DLGAP2: variants seen among roughly 807,000 people sequenced by gnomAD.
The protein encoded by DLGAP2 is DLG associated protein 2.
DLGAP2 carries 26 observed loss-of-function variants against 100.3 expected under a neutral mutation model. The observed-to-expected ratio is 0.26, with a 90% confidence interval of 0.19 to 0.36. The LOEUF is 0.36. DLGAP2 is among the 10% of genes least tolerant of loss of function. The pLI is 1.00. For synonymous variants in DLGAP2, 886 were observed against 630.1 expected, an observed-to-expected ratio of 1.41 and a Z score of -6.08; for missense variants, 1,858 against 1,453.2, an observed-to-expected ratio of 1.28 and a Z score of -4.53.
At chr8:1,423,411 C>T (rs1797154644) in intron 3 of DLGAP2, among the ~76,000 whole-genome samples, 1 of 152,202 alleles carries the variant, frequency 6.6e-6, no homozygotes, top group Non-Finnish European at 1.5e-5. Flanking sequence ...GCATTTCCCA[C>T]CACATCCCAT....
At chr8:1,530,011 C>G (rs1800936011) in intron 4 of DLGAP2, among the ~76,000 whole-genome samples, 1 of 152,202 alleles carries the variant, frequency 6.6e-6, no homozygotes, top group African/African-American at 2.4e-5. Flanking sequence ...GGTGAGATCA[C>G]AGGACCACAG....
chr8:1,254,791 T>A (rs1220915745), intron 2 of DLGAP2, among the ~76,000 whole-genome samples: 1 of 151,156 alleles, frequency 6.6e-6, no homozygotes, highest in Non-Finnish European at 1.5e-5. Context: ...TTAGCTTCCC[T>A]GGCCCACGCA....
intron 4 of DLGAP2, among the ~76,000 whole-genome samples, chr8:1,504,027 A>G (rs993514717): frequency 6.6e-6 from 1 of 152,176 alleles, no homozygotes; most frequent in Admixed American, 6.5e-5. Flanking sequence ...AGGTGGACGC[A>G]TTGGTTCCAG....
intron 2 of DLGAP2, among the ~76,000 whole-genome samples, chr8:1,221,082 G>T (rs1212556759): frequency 6.6e-6 from 1 of 152,120 alleles, no homozygotes; most frequent in Non-Finnish European, 1.5e-5. Context: ...TTAACTGGGG[G>T]TGTTTAGCCT....
intron 2 of DLGAP2, among the ~76,000 whole-genome samples, chr8:1,242,871 G>C (rs1321143116): frequency 2.0e-5 from 3 of 152,106 alleles, no homozygotes; most frequent in South Asian, 2.1e-4. Flanking sequence ...CGGATGTGTG[G>C]ATGGTCAGAC....
intron 2 of DLGAP2, among the ~76,000 whole-genome samples, chr8:957,955 TG>T (rs745357395): frequency 8.5e-5 from 13 of 152,212 alleles, no homozygotes; most frequent in Non-Finnish European, 1.6e-4. Context: ...AATACGTTCC[TG>T]GTGCTGTGTG....
chr8:842,123 A>C (rs1796994460), intron 1 of DLGAP2, among the ~76,000 whole-genome samples: 1 of 152,170 alleles, frequency 6.6e-6, no homozygotes, highest in African/African-American at 2.4e-5. Flanking sequence ...CCCTTCTGGT[A>C]ATCACTTAGG....
At chr8:1,267,098 G>A (rs1799468557) in intron 3 of DLGAP2, among the ~76,000 whole-genome samples, 1 of 151,886 alleles carries the variant, frequency 6.6e-6, no homozygotes, top group Admixed American at 6.6e-5. Flanking sequence ...CAGGCGTGGG[G>A]GTGGGTGCCT....
rs1189074241 is a variant in DLGAP2, at chr8:1,668,579, A to G, written c.2061A>G (p.Pro687=). The G allele has an allele frequency of 1.9e-6, 3 of 1,596,212 alleles. No individual in the cohort carries two copies. Among genetic ancestry groups the G allele is most frequent in the Non-Finnish European group, 2.6e-6 (3 of 1,172,382 alleles). Residue 687 remains proline (P), a synonymous_variant, in exon 9 of 15, where the codon CCA becomes CCG. Coordinates refer to ENST00000637795, the MANE Select transcript of DLGAP2 (RefSeq NM_001346810.2). ...LETAAAQRHL[P]ESQSSSVRTS... is the part of the protein sequence containing the mutation. Reference sequence around the variant, plus strand: ...CGGCCGCTGCCCAGCGCCACCTGCCAGAGAGCCAGAGCAGCTCTGTGCGGA... The same window carrying G: ...CGGCCGCTGCCCAGCGCCACCTGCCGGAGAGCCAGAGCAGCTCTGTGCGGA...
chr8:1,419,656 C>T (rs4875850), intron 3 of DLGAP2, among the ~76,000 whole-genome samples: 82,246 of 152,040 alleles, frequency 0.54, 22,947 homozygotes, highest in East Asian at 0.88. Flanking sequence ...ATCAAAACCA[C>T]ACTGAGATAC....
At chr8:1,618,765 G>A (rs1471689937) in intron 6 of DLGAP2, among the ~76,000 whole-genome samples, 3 of 151,928 alleles carry the variant, frequency 2.0e-5, no homozygotes, top group East Asian at 1.9e-4. Context: ...GGGGATCTCC[G>A]TGCACCTTCA....
chr8:830,571 C>T (rs902506298), intron 1 of DLGAP2, among the ~76,000 whole-genome samples: 3 of 152,114 alleles, frequency 2.0e-5, no homozygotes, highest in Non-Finnish European at 4.4e-5. Flanking sequence ...GCAGATCATA[C>T]GTAATTTGCG....
intron 2 of DLGAP2, among the ~76,000 whole-genome samples, chr8:1,244,188 T>G (rs1798858836): frequency 6.6e-6 from 1 of 152,204 alleles, no homozygotes; most frequent in South Asian, 2.1e-4. Flanking sequence ...TGCGATACGG[T>G]TAGAGTGCAT....
intron 2 of DLGAP2, among the ~76,000 whole-genome samples, chr8:945,701 A>G (rs931237865): frequency 2.0e-5 from 3 of 152,178 alleles, no homozygotes; most frequent in African/African-American, 2.4e-5. Context: ...CTTTAGCAGC[A>G]TCTTTATTGG....
intron 2 of DLGAP2, among the ~76,000 whole-genome samples, chr8:1,218,382 A>G (rs1798252882): frequency 6.6e-6 from 1 of 152,144 alleles, no homozygotes. Context: ...CAACTTTGTC[A>G]AAGATCAGTT....
At chr8:896,522 A>T (rs149498953) in intron 1 of DLGAP2, among the ~76,000 whole-genome samples, 1 of 152,218 alleles carries the variant, frequency 6.6e-6, no homozygotes, top group South Asian at 2.1e-4. Flanking sequence ...TGTCCCCCCA[A>T]ATTCCTATGT....
At chr8:1,229,433 C>T (rs997200799) in intron 2 of DLGAP2, among the ~76,000 whole-genome samples, 10 of 152,032 alleles carry the variant, frequency 6.6e-5, no homozygotes, top group African/African-American at 9.7e-5. Flanking sequence ...GTTTGTATTT[C>T]TTGCTGATTC....
intron 3 of DLGAP2, among the ~76,000 whole-genome samples, chr8:1,278,139 T>C (rs1400727551): frequency 2.0e-5 from 3 of 152,252 alleles, no homozygotes; most frequent in Non-Finnish European, 4.4e-5. Context: ...GTGGCATCCG[T>C]GCTCACGGAA....
At chr8:912,080 T>G (rs1798496367) in intron 2 of DLGAP2, among the ~76,000 whole-genome samples, 1 of 152,128 alleles carries the variant, frequency 6.6e-6, no homozygotes, top group Middle Eastern at 3.4e-3. Context: ...TTATCCTGAG[T>G]TTTTCAGGAG....
Sources: gnomAD v4.1 joint callset for allele counts (sites outside exome capture counted in the v4.1 genomes callset) on GRCh38, gnomAD v4.1.1 for gene constraint, MANE v1.5 for transcripts, NCBI Gene and HGNC (gene_info 2026-07-23, HGNC 2026-07-21) for gene names.